Variants in IL1B observed in about 807,000 individuals in gnomAD.
IL1B encodes the protein interleukin 1 beta.
IL1B carries 11 observed loss-of-function variants against 26.2 expected under a neutral mutation model. That is an observed-to-expected ratio of 0.42 (90% CI 0.26 to 0.70). IL1B has a LOEUF of 0.70. IL1B is among the 30% of genes least tolerant of loss of function. The pLI, the probability that IL1B is intolerant of heterozygous loss-of-function variation, is 0.25. For missense variants in IL1B, 255 were observed against 327.5 expected, an observed-to-expected ratio of 0.78 and a Z score of 1.71; for synonymous variants, 118 against 120.8, an observed-to-expected ratio of 0.98 and a Z score of 0.15.
rs1282308193 is a variant in IL1B at position 112,836,267 on chromosome 2, G to A, written c.-15-23C>T. ...CACCTGTGTAAAAAGGAGAAAATGA[G>A]TGACTTCCCCATGACGGCTACGTTC... is the stretch of plus-strand genomic sequence containing the variant. On this transcript the variant is annotated intron_variant, in intron 1 of 6. Transcript: ENST00000263341. The A allele has an allele frequency of 4.4e-6, 7 of 1,580,032 alleles. No homozygotes were observed. The South Asian group carries it at 7.7e-5, about 17-fold the overall frequency.
intron 3 of IL1B, 50 bp downstream of exon 3, chr2:112,835,516 C>T: frequency 1.4e-6 from 2 of 1,464,854 alleles, no homozygotes; most frequent in Middle Eastern, 1.7e-4. Flanking sequence ...TTTGAGCTTT[C>T]CCTGTGTTAG....
At position 112,831,277 on chromosome 2, in the gene IL1B, A is replaced by G. The variant is rs1681981926; in HGVS notation, c.597+15T>C. On this transcript the variant is annotated intron_variant, in intron 6 of 6. Coordinates refer to ENST00000263341, the MANE Select transcript of IL1B (RefSeq NM_000576.3). ...AGGAGGCTGAGAAGGGCTTCATTCC[A>G]TAGCATTCACTTACCTCCAGCTGTA... 3.7e-6 allele frequency: 6 copies of G among 1,613,820 alleles called. No homozygotes were observed. The highest frequency in any genetic ancestry group is 4.5e-5 in the East Asian group (2 of 44,880).
Position 112,830,381 on chromosome 2 carries a change from T to A in IL1B, c.790A>T (p.Met264Leu). The change falls in exon 7 of 7, where the codon ATG (methionine) becomes TTG (leucine). Residue 264 changes from methionine (M) to leucine (L), a missense_variant. Met to Leu is a conservative substitution (Grantham distance 15). Coordinates refer to ENST00000263341, the MANE Select transcript of IL1B (RefSeq NM_000576.3). ...KGGQDITDFT[M>L]QFVSS The stretch of plus-strand genomic sequence containing the variant: ...TCTCTTTAGGAAGACACAAATTGCA[T>A]GGTGAAGTCAGTTATATCCTGGCCG... The A allele has an allele frequency of 6.2e-7, 1 of 1,614,060 alleles. No individual in the cohort carries two copies. The highest frequency in any genetic ancestry group is 1.1e-5 in the South Asian group (1 of 91,088).
At chr2:112,830,599 T>A in intron 6 of IL1B, 26 bp from the exon 7 acceptor site, 1 of 1,533,172 alleles carries the variant, frequency 6.5e-7, no homozygotes, top group Non-Finnish European at 9.0e-7. Context: ...AAGAAGAATT[T>A]TTGTGGGGCA....
At position 112,830,429 on chromosome 2, in the gene IL1B, C is replaced by T. The variant is rs781114719; in HGVS notation, c.742G>A (p.Val248Ile). The part of the protein sequence containing the change: ...ISTSQAENMP[V>I]FLGGTKGGQD... ...CCGCCTTTGGTCCCTCCCAGGAAGACGGGCATGTTTTCTGCTTGAGAGGTG... is the reference window on the plus strand; with the variant it reads ...CCGCCTTTGGTCCCTCCCAGGAAGATGGGCATGTTTTCTGCTTGAGAGGTG... The change falls in exon 7 of 7, where the codon GTC (valine) becomes ATC (isoleucine). Residue 248 changes from valine (V) to isoleucine (I), a missense_variant. Coordinates refer to ENST00000263341, the MANE Select transcript of IL1B (RefSeq NM_000576.3). The T allele has an allele frequency of 2.5e-5, 41 of 1,613,954 alleles. No homozygotes were observed. Among genetic ancestry groups the T allele is most frequent in the South Asian group, 1.4e-4 (13 of 91,094 alleles).
At chr2:112,830,999 A>G (rs1681976060) in intron 6 of IL1B, 4 of 436,844 alleles carry the variant, frequency 9.2e-6, no homozygotes, top group Non-Finnish European at 1.7e-5. Context: ...CCTTTAAGTC[A>G]TCTATTTCCC....
In IL1B at chr2:112,833,437, G is replaced by C; in HGVS notation, c.238C>G (p.Pro80Ala). The change falls in exon 4 of 7, where the codon CCC becomes GCC. Residue 80 changes from proline to alanine, a missense_variant. Physicochemically the swap from Pro to Ala is conservative, Grantham distance 27. Coordinates refer to ENST00000263341, the MANE Select transcript of IL1B (RefSeq NM_000576.3). ...TTCTCCTGGAAGGTCTGTGGGCAGG[G>C]AACCAGCATCTTCCTCAGCTTGTCC... Reference protein sequence around the residue: ...AMDKLRKMLVPCPQTFQENDL... With the variant: ...AMDKLRKMLVACPQTFQENDL... The C allele has an allele frequency of 6.2e-7, 1 of 1,614,196 alleles. No homozygotes were observed. The highest frequency in any genetic ancestry group is 8.5e-7 in the Non-Finnish European group (1 of 1,180,038).
chr2:112,832,800 T>C lies in IL1B; in HGVS notation c.328A>G (p.Asn110Asp), dbSNP rs1234399432. ...GGTGCATCGTGCACATAAGCCTCGTTATCCCATGTGTCGAAGAAGATAGGT... is the reference window on the plus strand; with the variant it reads ...GGTGCATCGTGCACATAAGCCTCGTCATCCCATGTGTCGAAGAAGATAGGT... ...EEPIFFDTWD[N>D]EAYVHDAPVR... is the part of the protein sequence containing the mutation. Residue 110 changes from asparagine (N) to aspartate (D), a missense_variant, in exon 5 of 7, where the codon AAC becomes GAC. Asn to Asp is a conservative substitution (Grantham distance 23, BLOSUM62 1). Transcript: ENST00000263341. The C allele has an allele frequency of 6.2e-7, 1 of 1,614,238 alleles. No individual in the cohort carries two copies. Among genetic ancestry groups the C allele is most frequent in the East Asian group, 2.2e-5 (1 of 44,892 alleles).
At chr2:112,835,152 G>A in intron 3 of IL1B, 1 of 261,420 alleles carries the variant, frequency 3.8e-6, no homozygotes, top group Non-Finnish European at 7.6e-6. Context: ...ACCCCAGGTA[G>A]CAAAAAACTA....
rs146219183 is a variant in IL1B at position 112,830,456 on chromosome 2, T to A, written c.715A>T (p.Ser239Cys). 1 of 1,613,930 alleles carries A rather than the reference T, an allele frequency of 6.2e-7. No individual in the cohort carries two copies. Among genetic ancestry groups the A allele is most frequent in the Non-Finnish European group, 8.5e-7 (1 of 1,179,992 alleles). ...ESAQFPNWYI[S>C]TSQAENMPVF... ...GGCATGTTTTCTGCTTGAGAGGTGCTGATGTACCAGTTGGGGAACTGGGCA... is the reference window on the plus strand; with the variant it reads ...GGCATGTTTTCTGCTTGAGAGGTGCAGATGTACCAGTTGGGGAACTGGGCA... Residue 239 changes from serine to cysteine, a missense_variant, in exon 7 of 7, where the codon AGC (serine) becomes TGC (cysteine). By Grantham distance (112) the Ser-to-Cys change is moderately radical (BLOSUM62 -1). Transcript: ENST00000263341.
chr2:112,831,108 C>A, intron 6 of IL1B, 184 bp downstream of exon 6: 1 of 649,690 alleles, frequency 1.5e-6, no homozygotes, highest in South Asian at 1.6e-5. Context: ...ATTTAATTTT[C>A]TGCAGCAGGA....
At chr2:112,836,114 G>T in intron 2 of IL1B, 69 bp downstream of exon 2, 2 of 1,483,704 alleles carry the variant, frequency 1.3e-6, no homozygotes, top group Non-Finnish European at 1.9e-6. Flanking sequence ...TGGTCTCCAA[G>T]CACAGATAAC....
Position 112,830,181 on chromosome 2 carries a change from TG to T in IL1B, c.*179del. On this transcript the variant is annotated 3_prime_UTR_variant, in exon 7 of 7. Coordinates refer to ENST00000263341, the MANE Select transcript of IL1B (RefSeq NM_000576.3). ...TTGGCCCTGAAAGGAGAGAGCTGACTGTCCTGGCTGATGGACAGGAGATCCT... is the reference window on the plus strand; with the variant it reads ...TTGGCCCTGAAAGGAGAGAGCTGACTTCCTGGCTGATGGACAGGAGATCCT... 1.6e-6 allele frequency: 1 copy of T among 606,526 alleles called. No homozygotes were observed. The highest frequency in any genetic ancestry group is 3.0e-6 in the Non-Finnish European group (1 of 338,872). 37.6% of individuals were successfully genotyped at this position (606,526 alleles called of 1,614,324 possible).
Position 112,830,356 on chromosome 2 carries a change from T to C in IL1B, c.*5A>G. On this transcript the variant is annotated 3_prime_UTR_variant, in exon 7 of 7. Coordinates refer to ENST00000263341, the MANE Select transcript of IL1B (RefSeq NM_000576.3). ...CAGCACAGGACTCTCTGGGTACAGCTCTCTTTAGGAAGACACAAATTGCAT... is the reference window on the plus strand; with the variant it reads ...CAGCACAGGACTCTCTGGGTACAGCCCTCTTTAGGAAGACACAAATTGCAT... 1 of 1,612,286 alleles carries C rather than the reference T, an allele frequency of 6.2e-7. No homozygotes were observed. The highest frequency in any genetic ancestry group is 8.5e-7 in the Non-Finnish European group (1 of 1,178,396).
Position 112,836,746 on chromosome 2 carries a change from G to T in IL1B, c.-54C>A. On this transcript the variant is annotated 5_prime_UTR_variant, in exon 1 of 7. The change creates a new upstream start codon in the 5' untranslated region. Coordinates refer to ENST00000263341, the MANE Select transcript of IL1B (RefSeq NM_000576.3). ...ATTGGCTGAAGAGAATCCCAGAGCA[G>T]CCTGTTGTGCCTTGTGCCTCGAAGA... 6.3e-6 allele frequency: 1 copy of T among 158,616 alleles called. No individual in the cohort carries two copies. The highest frequency in any genetic ancestry group is 1.4e-5 in the Non-Finnish European group (1 of 71,326). 9.8% of individuals were successfully genotyped at this position (158,616 alleles called of 1,614,324 possible).
intron 3 of IL1B, 41 bp downstream of exon 3, chr2:112,835,525 A>C: frequency 3.3e-6 from 5 of 1,526,354 alleles, no homozygotes; most frequent in Non-Finnish European, 4.5e-6. Flanking sequence ...TCCCTGTGTT[A>C]GAGCCCTTCC....
chr2:112,833,448 T>C lies in IL1B; in HGVS notation c.227A>G (p.Lys76Arg), dbSNP rs936240268. The C allele has an allele frequency of 4.3e-6, 7 of 1,614,214 alleles. No homozygotes were observed. Among genetic ancestry groups the C allele is most frequent in the Non-Finnish European group, 5.1e-6 (6 of 1,180,030 alleles). The change falls in exon 4 of 7, where the codon AAG becomes AGG. Residue 76 changes from lysine to arginine, a missense_variant. Transcript: ENST00000263341. ...SVVVAMDKLR[K>R]MLVPCPQTFQ... ...GGTCTGTGGGCAGGGAACCAGCATC[T>C]TCCTCAGCTTGTCCATGGCCACAAC...
chr2:112,832,029 C>G (rs2104934918), intron 5 of IL1B, among the ~76,000 whole-genome samples: 1 of 152,312 alleles, frequency 6.6e-6, no homozygotes, highest in African/African-American at 2.4e-5. Context: ...AATAGCTTCC[C>G]CCTGAGTGAG....
At position 112,833,453 on chromosome 2, in the gene IL1B, C is replaced by CAG; in HGVS notation, c.220_221dup (p.Arg75Ter). On this transcript the variant is annotated frameshift_variant, in exon 4 of 7. Coordinates refer to ENST00000263341, the MANE Select transcript of IL1B (RefSeq NM_000576.3). LOFTEE classifies it high-confidence loss of function. ...GTGGGCAGGGAACCAGCATCTTCCTCAGCTTGTCCATGGCCACAACAACTG... is the reference window on the plus strand; with the variant it reads ...GTGGGCAGGGAACCAGCATCTTCCTCAGAGCTTGTCCATGGCCACAACAACTG... The CAG allele has an allele frequency of 6.2e-7, 1 of 1,614,214 alleles. No individual in the cohort carries two copies. The highest frequency in any genetic ancestry group is 8.5e-7 in the Non-Finnish European group (1 of 1,180,028).
Sources: allele counts gnomAD v4.1 joint callset (sites outside exome capture counted in the v4.1 genomes callset), GRCh38; gene constraint gnomAD v4.1.1; transcripts MANE v1.5; gene names NCBI Gene and HGNC (gene_info 2026-07-23, HGNC 2026-07-21).